CSMD2: variants seen among roughly 807,000 people sequenced by gnomAD.
The protein encoded by CSMD2 is CUB and Sushi multiple domains 2.
A neutral mutation model predicts 398.5 loss-of-function variants in CSMD2; 130 were observed. The observed-to-expected ratio is 0.33, with a 90% CI of 0.28 to 0.38. The LOEUF (loss-of-function observed/expected upper bound fraction) is 0.38, where lower values mean the gene tolerates loss of function less well. Among genes scored for constraint, CSMD2 ranks in the 10% least tolerant of loss-of-function variants. CSMD2 has a pLI of 1.00. For missense variants in CSMD2, 3,829 were observed against 4,764.9 expected (o/e 0.80, Z 5.78); for synonymous variants, 1,828 against 1,908.5 (o/e 0.96, Z 1.10).
At chr1:34,051,526 T>C (rs1206504595) in intron 2 of CSMD2, among the ~76,000 whole-genome samples, 1 of 152,152 alleles carries the variant, frequency 6.6e-6, no homozygotes, top group Non-Finnish European at 1.5e-5. Context: ...AAGTAATATG[T>C]ATTTGTTTTC....
chr1:33,603,407 G>C (rs1178213371), intron 42 of CSMD2, among the ~76,000 whole-genome samples: 2 of 152,178 alleles, frequency 1.3e-5, no homozygotes, highest in Non-Finnish European at 2.9e-5. Flanking sequence ...CCATGGTCCA[G>C]AATAATGAGT....
intron 1 of CSMD2, among the ~76,000 whole-genome samples, chr1:34,105,134 T>A (rs1660406381): frequency 6.6e-6 from 1 of 152,036 alleles, no homozygotes; most frequent in East Asian, 1.9e-4. Flanking sequence ...TGTGCACTAT[T>A]TTTTTTTACT....
chr1:33,849,874 A>C (rs1638574689), intron 5 of CSMD2, among the ~76,000 whole-genome samples: 1 of 151,840 alleles, frequency 6.6e-6, no homozygotes, highest in Non-Finnish European at 1.5e-5. Flanking sequence ...AGAGTTAGTG[A>C]AAAACAAATC....
intron 5 of CSMD2, among the ~76,000 whole-genome samples, chr1:33,867,012 G>A (rs1640088525): frequency 6.6e-6 from 1 of 152,172 alleles, no homozygotes; most frequent in Admixed American, 6.5e-5. Flanking sequence ...CTCCTTTCTT[G>A]GTGTTCACAC....
At chr1:33,864,483 T>C (rs909574047) in intron 5 of CSMD2, 2 of 1,613,368 alleles carry the variant, frequency 1.2e-6, no homozygotes, top group African/African-American at 2.7e-5. Flanking sequence ...ACGGCCTCCA[T>C]CATCCTTCCT....
At chr1:34,002,602 G>C (rs573242208) in intron 3 of CSMD2, among the ~76,000 whole-genome samples, 1 of 152,184 alleles carries the variant, frequency 6.6e-6, no homozygotes, top group East Asian at 1.9e-4. Context: ...ACAAAGTCTC[G>C]TTGCATGCTA....
chr1:34,150,836 C>T (rs1338403394), intron 1 of CSMD2, among the ~76,000 whole-genome samples: 1 of 152,186 alleles, frequency 6.6e-6, no homozygotes, highest in East Asian at 1.9e-4. Flanking sequence ...AGGAGGATCA[C>T]TTGAGCCCAT....
intron 15 of CSMD2, among the ~76,000 whole-genome samples, chr1:33,736,220 C>T (rs1315182992): frequency 5.9e-5 from 9 of 152,214 alleles, no homozygotes; most frequent in Admixed American, 5.9e-4. Flanking sequence ...GAAGACCTTG[C>T]TTATGAAATA....
At chr1:33,936,423 G>A (rs1477717974) in intron 3 of CSMD2, among the ~76,000 whole-genome samples, 1 of 152,228 alleles carries the variant, frequency 6.6e-6, no homozygotes, top group East Asian at 1.9e-4. Flanking sequence ...ATCCACCCTG[G>A]CAGCCAGAGG....
chr1:34,107,367 TA>T (rs1431981726), intron 1 of CSMD2, among the ~76,000 whole-genome samples: 8 of 152,160 alleles, frequency 5.3e-5, no homozygotes, highest in Non-Finnish European at 1.0e-4. Flanking sequence ...ATAATAATAA[TA>T]ATATATTATT....
intron 5 of CSMD2, among the ~76,000 whole-genome samples, chr1:33,888,156 G>T (rs1420272906): frequency 6.6e-6 from 1 of 151,898 alleles, no homozygotes; most frequent in Non-Finnish European, 1.5e-5. Flanking sequence ...TCCAGGATAG[G>T]AATATTTACT....
In CSMD2 at chr1:33,540,613, G is replaced by C. The variant is rs1313106885; in HGVS notation, c.9543C>G (p.Ala3181=). 61 of 1,614,074 alleles carry C rather than the reference G, an allele frequency of 3.8e-5. No homozygotes were observed. Among genetic ancestry groups the C allele is most frequent in the Non-Finnish European group, 4.7e-5 (55 of 1,180,050 alleles). ...GGGAGAGCTGGTACCCCTCCAGGCA[G>C]GCATAAGTCACACTTGAGCCCCACA... ...DFMWGSSVTY[A]CLEGYQLSLP... Residue 3181 remains alanine (A), a synonymous_variant, in exon 60 of 71, where the codon GCC becomes GCG. Coordinates refer to ENST00000373381, the MANE Select transcript of CSMD2 (RefSeq NM_001281956.2).
chr1:33,908,555 C>T (rs1023133616), intron 5 of CSMD2, among the ~76,000 whole-genome samples: 7 of 152,252 alleles, frequency 4.6e-5, no homozygotes, highest in Non-Finnish European at 8.8e-5. Context: ...GCCAGCTGCC[C>T]GACCTCAGCT....
At chr1:34,089,624 C>T (rs891978717) in intron 1 of CSMD2, among the ~76,000 whole-genome samples, 2 of 152,142 alleles carry the variant, frequency 1.3e-5, no homozygotes, top group African/African-American at 4.8e-5. Context: ...AAAGCCATTC[C>T]TAAGGATTCC....
chr1:33,888,980 C>G (rs988868573), intron 5 of CSMD2, among the ~76,000 whole-genome samples: 1 of 152,074 alleles, frequency 6.6e-6, no homozygotes, highest in Non-Finnish European at 1.5e-5. Flanking sequence ...CCATGTTAGC[C>G]AGGACAGTCT....
intron 3 of CSMD2, among the ~76,000 whole-genome samples, chr1:33,975,529 C>G (rs1020346712): frequency 8.9e-6 from 1 of 112,942 alleles, no homozygotes; most frequent in African/African-American, 3.1e-5. Flanking sequence ...ATAAATGTCC[C>G]AAGTCCACCG....
chr1:34,028,020 G>T (rs1163259548), intron 3 of CSMD2, among the ~76,000 whole-genome samples: 1 of 152,180 alleles, frequency 6.6e-6, no homozygotes, highest in Non-Finnish European at 1.5e-5. Context: ...AGGATGCTCA[G>T]TTATATTTAA....
At chr1:33,540,240 C>T (rs1205335158) in intron 60 of CSMD2, among the ~76,000 whole-genome samples, 1 of 150,960 alleles carries the variant, frequency 6.6e-6, no homozygotes, top group African/African-American at 2.4e-5. Flanking sequence ...AGTACTATTC[C>T]ATACAGTTAA....
rs1638360476 is a variant in CSMD2, at chr1:33,577,502, G to A, written c.7388-18C>T. 6.3e-7 allele frequency: 1 copy of A among 1,588,354 alleles called. No homozygotes were observed. Among genetic ancestry groups the A allele is most frequent in the Non-Finnish European group, 8.6e-7 (1 of 1,162,048 alleles). On this transcript the variant is annotated intron_variant, in intron 48 of 70. Coordinates refer to ENST00000373381, the MANE Select transcript of CSMD2 (RefSeq NM_001281956.2). ...GTAAGGGGCTGAACAACAAGATGAG[G>A]TTCAGGGAACTGGCACCAGCAGGAA...
Sources: gnomAD v4.1 joint callset for allele counts (sites outside exome capture counted in the v4.1 genomes callset) on GRCh38, gnomAD v4.1.1 for gene constraint, MANE v1.5 for transcripts, NCBI Gene and HGNC (gene_info 2026-07-23, HGNC 2026-07-21) for gene names.